SYN3: variants seen among roughly 807,000 people sequenced by gnomAD.
SYN3 encodes synapsin-3.
SYN3 carries 35 observed loss-of-function variants against 65.8 expected under a neutral mutation model. The ratio of observed to expected loss-of-function variants is 0.53; its 90% CI spans 0.41 to 0.70. The LOEUF (loss-of-function observed/expected upper bound fraction) is 0.70, where lower values mean the gene tolerates loss of function less well. Among genes scored for constraint, SYN3 ranks in the 30% least tolerant of loss-of-function variants. The probability of loss-of-function intolerance (pLI) is 0.00; values close to 1 mark genes in which losing one functional copy is unlikely to be tolerated. For missense variants in SYN3, 680 were observed against 749.0 expected, an observed-to-expected ratio of 0.91 and a Z score of 1.08; for synonymous variants, 270 against 292.9, an observed-to-expected ratio of 0.92 and a Z score of 0.80.
At chr22:32,905,146 C>T (rs1259537343) in intron 4 of SYN3, among the ~76,000 whole-genome samples, 1 of 152,156 alleles carries the variant, frequency 6.6e-6, no homozygotes, top group African/African-American at 2.4e-5. Context: ...TTGTATGAGT[C>T]AGACACTGTC....
rs73158341 is a variant in SYN3, at chr22:32,834,997, C to T, written c.711+29918G>A. Among the ~76,000 whole-genome samples the T allele has an allele frequency of 5.5e-3, 843 of 152,322 alleles. 5 individuals carry two copies. Among genetic ancestry groups the T allele is most frequent in the South Asian group, 0.02 (97 of 4,822 alleles). ...TTGCAGTCCTCAGCCATGTGACCTC[C>T]GACCTGTCAGTCTTGGTCTGATTGC... On this transcript the variant is annotated intron_variant, in intron 6 of 13. Transcript: ENST00000358763.
intron 6 of SYN3, among the ~76,000 whole-genome samples, chr22:32,733,835 G>T (rs1281873024): frequency 6.6e-6 from 1 of 152,138 alleles, no homozygotes; most frequent in African/African-American, 2.4e-5. Context: ...ATGGGCAGTG[G>T]CCTTCATGAG....
chr22:32,666,298 A>G (rs1026555512), intron 6 of SYN3, among the ~76,000 whole-genome samples: 5 of 152,268 alleles, frequency 3.3e-5, no homozygotes, highest in South Asian at 4.2e-4. Flanking sequence ...AAACCTCTCA[A>G]TAGTTTCTCA....
chr22:32,735,199 G>A (rs1156381456), intron 6 of SYN3, among the ~76,000 whole-genome samples: 2 of 152,198 alleles, frequency 1.3e-5, no homozygotes, highest in Admixed American at 6.5e-5. Context: ...TGGATCAGAT[G>A]GAGTGGGATC....
intron 7 of SYN3, among the ~76,000 whole-genome samples, chr22:32,556,429 C>T (rs1056701323): frequency 1.3e-5 from 2 of 152,164 alleles, no homozygotes; most frequent in Admixed American, 1.3e-4. Context: ...TGCAACATCA[C>T]TGAAAGAAAC....
rs539290551 is a variant in SYN3, at chr22:32,553,110, C to T, written c.775-11397G>A. On this transcript the variant is annotated intron_variant, in intron 7 of 13. Transcript: ENST00000358763. ...AGGACCCTCATCCCATCATGAGGGC[C>T]CCACCATCGTGACCTCATCTAAACC... Among the ~76,000 whole-genome samples, 18 of 152,210 alleles carry T rather than the reference C, an allele frequency of 1.2e-4. No individual in the cohort carries two copies. In the South Asian group the frequency reaches 3.3e-3, roughly 28 times the overall value.
intron 1 of SYN3, among the ~76,000 whole-genome samples, chr22:33,043,762 G>T (rs1013754763): frequency 4.0e-5 from 6 of 151,758 alleles, no homozygotes; most frequent in African/African-American, 9.7e-5. Context: ...CACATAAAGT[G>T]CATTGAACTG....
chr22:32,525,627 A>G (rs372397724), intron 12 of SYN3, among the ~76,000 whole-genome samples: 53 of 151,764 alleles, frequency 3.5e-4, no homozygotes, highest in African/African-American at 1.2e-3. Context: ...GGAGAATGGC[A>G]TGAACCCGGG....
chr22:32,908,392 T>C (rs976322747), intron 4 of SYN3, among the ~76,000 whole-genome samples: 1 of 150,382 alleles, frequency 6.6e-6, no homozygotes, highest in African/African-American at 2.4e-5. Flanking sequence ...AGCCTTTTTT[T>C]TTTTTTTTTT....
intron 3 of SYN3, among the ~76,000 whole-genome samples, chr22:32,957,391 C>T (rs1473128477): frequency 6.6e-6 from 1 of 152,138 alleles, no homozygotes; most frequent in Non-Finnish European, 1.5e-5. Context: ...TGAACATCGC[C>T]GGGATGCAGG....
chr22:32,794,111 G>A (rs1019889470), intron 6 of SYN3, among the ~76,000 whole-genome samples: 3 of 152,206 alleles, frequency 2.0e-5, no homozygotes, highest in African/African-American at 7.2e-5. Context: ...GCCAGTGGTT[G>A]TGAGCACTGG....
intron 6 of SYN3, among the ~76,000 whole-genome samples, chr22:32,755,779 C>T (rs2045271008): frequency 6.6e-6 from 1 of 152,184 alleles, no homozygotes; most frequent in South Asian, 2.1e-4. Context: ...ACAAATACCA[C>T]TTAATGCCCC....
intron 2 of SYN3, among the ~76,000 whole-genome samples, chr22:32,996,338 G>C (rs113725212): frequency 1.3e-5 from 2 of 152,192 alleles, no homozygotes; most frequent in African/African-American, 4.8e-5. Context: ...GAAAAACTAA[G>C]CACCCACACT....
intron 6 of SYN3, among the ~76,000 whole-genome samples, chr22:32,601,664 G>C (rs2059286036): frequency 6.6e-6 from 1 of 152,206 alleles, no homozygotes; most frequent in African/African-American, 2.4e-5. Flanking sequence ...GCTAGTGCTG[G>C]GGACACAGAA....
intron 6 of SYN3, among the ~76,000 whole-genome samples, chr22:32,669,328 G>A (rs1456026756): frequency 6.6e-6 from 1 of 152,218 alleles, no homozygotes; most frequent in East Asian, 1.9e-4. Context: ...GCAGGTTGGT[G>A]AGGATTAGAG....
chr22:32,959,818 C>G (rs2051591257), intron 3 of SYN3, among the ~76,000 whole-genome samples: 1 of 152,202 alleles, frequency 6.6e-6, no homozygotes, highest in South Asian at 2.1e-4. Context: ...TGGTCTCAGA[C>G]TCCTGGGCTC....
chr22:32,610,284 G>GCC (rs201871282), intron 6 of SYN3, among the ~76,000 whole-genome samples: 2 of 150,954 alleles, frequency 1.3e-5, no homozygotes, highest in African/African-American at 4.9e-5. Flanking sequence ...CTGTCCCCCT[G>GCC]CCCCCCCCAA....
rs186873586 is a variant in SYN3 at position 32,764,006 on chromosome 22, C to T, written c.711+100909G>A. Among the ~76,000 whole-genome samples the T allele has an allele frequency of 2.3e-3, 337 of 148,414 alleles. 1 individual carries two copies. Among genetic ancestry groups the T allele is most frequent in the Middle Eastern group, 0.01 (3 of 290 alleles). ...AGGCTGGAGTGCAATGGCGCAATCT[C>T]GGCTCACTGCAACCTCTGCCTCCCG... On this transcript the variant is annotated intron_variant, in intron 6 of 13. Transcript: ENST00000358763.
At chr22:32,883,806 G>A (rs572368733) in intron 4 of SYN3, among the ~76,000 whole-genome samples, 12 of 152,350 alleles carry the variant, frequency 7.9e-5, no homozygotes, top group East Asian at 7.7e-4. Context: ...GTCCTATGGC[G>A]TAGCTAAGTT....
Sources: allele counts gnomAD v4.1 joint callset (sites outside exome capture counted in the v4.1 genomes callset), GRCh38; gene constraint gnomAD v4.1.1; transcripts MANE v1.5; gene names NCBI Gene and HGNC (gene_info 2026-07-23, HGNC 2026-07-21).